The following DUSP22 variants were observed in gnomAD, a reference collection of about 807,000 sequenced individuals.
DUSP22 encodes the protein dual specificity phosphatase 22.
Under a neutral mutation model 24.5 loss-of-function variants are expected in DUSP22, and 24 were observed. The ratio of observed to expected loss-of-function variants is 0.98; its 90% CI spans 0.71 to 1.38. The LOEUF is 1.38. Among genes scored for constraint, DUSP22 ranks in the 40% most tolerant of loss-of-function variants. The probability of loss-of-function intolerance (pLI) is 0.00; values close to 1 mark genes in which losing one functional copy is unlikely to be tolerated. For synonymous variants in DUSP22, 160 were observed against 106.4 expected, an observed-to-expected ratio of 1.50 and a Z score of -3.10; for missense variants, 330 against 269.2, an observed-to-expected ratio of 1.23 and a Z score of -1.58.
At chr6:325,696 T>A (rs1451792377) in intron 3 of DUSP22, 3 of 225,550 alleles carry the variant, frequency 1.3e-5, no homozygotes, top group African/African-American at 7.7e-5. Context: ...CCTGGAGTCA[T>A]CTGCCCTGGG....
Position 351,215 on chromosome 6 carries a change from A to G in DUSP22, c.*2264A>G. ...AGCCCAGTGTAGTTGTGTGGCGTGA[A>G]CTCTGCCCGTGTGTTCTCAAATTCC... is the stretch of plus-strand genomic sequence containing the variant. On this transcript the variant is annotated 3_prime_UTR_variant, in exon 7 of 7. Transcript: ENST00000419235. 6.8e-6 allele frequency: 2 copies of G among 293,046 alleles called. No individual in the cohort carries two copies. The highest frequency in any genetic ancestry group is 1.3e-5 in the Non-Finnish European group (2 of 157,278). The allele number at this position is 293,046 out of a possible 1,614,324, so 18.2% of individuals were successfully genotyped here. A position where few individuals can be genotyped will look rare whatever the true frequency, so the allele number is the denominator to read the frequency against.
At chr6:329,596 G>C (rs954867074) in intron 3 of DUSP22, among the ~76,000 whole-genome samples, 2 of 152,298 alleles carry the variant, frequency 1.3e-5, no homozygotes, top group African/African-American at 4.8e-5. Flanking sequence ...GGGATTACAA[G>C]TGCATGCCAC....
At chr6:315,216 G>A (rs1196418542) in intron 3 of DUSP22, among the ~76,000 whole-genome samples, 2 of 152,302 alleles carry the variant, frequency 1.3e-5, no homozygotes, top group African/African-American at 2.4e-5. Context: ...GAAACCTGGG[G>A]ACCTTCAAGC....
At chr6:299,180 G>C (rs1581142009) in intron 1 of DUSP22, among the ~76,000 whole-genome samples, 1 of 152,306 alleles carries the variant, frequency 6.6e-6, no homozygotes, top group Admixed American at 6.5e-5. Context: ...CTTTCTACCA[G>C]GTGGTAATGA....
intron 6 of DUSP22, 160 bp downstream of exon 6, chr6:348,434 A>C: frequency 8.1e-7 from 1 of 1,237,946 alleles, no homozygotes; most frequent in Non-Finnish European, 1.1e-6. Context: ...AGAAGTCGTC[A>C]CGATCCCTCG....
Position 308,041 on chromosome 6 carries a change from A to C in DUSP22, c.55+3380A>C, listed in dbSNP as rs1757897108. ...TTGCATTTGTGACTGCCAGTTGGGGAGGGGCCCGCTGGCACCGGGCCAAAG... is the reference window on the plus strand; with the variant it reads ...TTGCATTTGTGACTGCCAGTTGGGGCGGGGCCCGCTGGCACCGGGCCAAAG... On this transcript the variant is annotated intron_variant, in intron 2 of 6. Coordinates refer to ENST00000419235, the MANE Select transcript of DUSP22 (RefSeq NM_001286555.3). Among the ~76,000 whole-genome samples the C allele has an allele frequency of 2.0e-5, 3 of 152,276 alleles. No individual in the cohort carries two copies. In the South Asian group the frequency reaches 6.2e-4, roughly 32 times the overall value.
intron 1 of DUSP22, among the ~76,000 whole-genome samples, chr6:302,460 GC>G (rs1241859983): frequency 3.3e-5 from 5 of 152,308 alleles, no homozygotes; most frequent in Non-Finnish European, 7.3e-5. Flanking sequence ...CTCCCTGTCT[GC>G]CCACTGCTCT....
At chr6:340,727 G>T (rs6928484) in intron 4 of DUSP22, among the ~76,000 whole-genome samples, 2 of 152,172 alleles carry the variant, frequency 1.3e-5, no homozygotes, top group Admixed American at 6.5e-5. Context: ...CTGGTACCAT[G>T]GGCTTTTAGG....
At chr6:348,296 T>C in intron 6 of DUSP22, 22 bp downstream of exon 6, 1 of 1,613,754 alleles carries the variant, frequency 6.2e-7, no homozygotes, top group Non-Finnish European at 8.5e-7. Context: ...TTAGGGGACA[T>C]CAGAGATGCA....
At chr6:322,559 C>G (rs1449946114) in intron 3 of DUSP22, among the ~76,000 whole-genome samples, 2 of 152,302 alleles carry the variant, frequency 1.3e-5, no homozygotes, top group African/African-American at 4.8e-5. Context: ...AAAGGGGAGA[C>G]TAGGTGACGT....
At chr6:322,841 G>GC (rs1758672302) in intron 3 of DUSP22, among the ~76,000 whole-genome samples, 22 of 144,624 alleles carry the variant, frequency 1.5e-4, no homozygotes, top group African/African-American at 4.7e-4. Flanking sequence ...GGGGCGGGGG[G>GC]GGGCCTTCGA....
At chr6:297,293 G>C (rs909792065) in intron 1 of DUSP22, among the ~76,000 whole-genome samples, 1 of 152,304 alleles carries the variant, frequency 6.6e-6, no homozygotes, top group Admixed American at 6.5e-5. Context: ...GTTATTGGGA[G>C]AAGCAAATGG....
At chr6:300,056 C>T (rs551248767) in intron 1 of DUSP22, among the ~76,000 whole-genome samples, 8 of 152,416 alleles carry the variant, frequency 5.2e-5, no homozygotes, top group South Asian at 4.1e-4. Flanking sequence ...AGGTAGAGAT[C>T]GTAGACTGGA....
chr6:339,096 C>T (rs1250928593), intron 4 of DUSP22, among the ~76,000 whole-genome samples: 1 of 152,294 alleles, frequency 6.6e-6, no homozygotes, highest in African/African-American at 2.4e-5. Flanking sequence ...TTGTAATAAC[C>T]CCACAGACCT....
intron 2 of DUSP22, 85 bp from the exon 3 acceptor site, chr6:311,794 TG>T: frequency 7.3e-7 from 1 of 1,367,832 alleles, no homozygotes; most frequent in Non-Finnish European, 9.9e-7. Context: ...AGTCATTTTG[TG>T]GGTTTTTTTT....
Position 349,305 on chromosome 6 carries a change from A to T in DUSP22, c.*354A>T. 1 of 1,193,614 alleles carries T rather than the reference A, an allele frequency of 8.4e-7. No homozygotes were observed. 73.9% of individuals were successfully genotyped at this position (1,193,614 alleles called of 1,614,324 possible). The stretch of plus-strand genomic sequence containing the variant: ...TGCACCTAAGTGTGTACATGTGTGT[A>T]TGTTGTGAAAGTGTCTGTGCACATG... On this transcript the variant is annotated 3_prime_UTR_variant, in exon 7 of 7. Transcript: ENST00000419235.
intron 3 of DUSP22, among the ~76,000 whole-genome samples, chr6:322,287 G>A (rs1758632223): frequency 6.6e-6 from 1 of 152,308 alleles, no homozygotes; most frequent in Admixed American, 6.5e-5. Context: ...GTTATGCAAT[G>A]GAATTCACAG....
At chr6:345,341 C>G (rs905945806) in intron 4 of DUSP22, among the ~76,000 whole-genome samples, 2 of 152,220 alleles carry the variant, frequency 1.3e-5, no homozygotes, top group African/African-American at 2.4e-5. Flanking sequence ...TCCCTGGTAG[C>G]TGGGATTACA....
Position 345,920 on chromosome 6 carries a change from T to C in DUSP22, c.255T>C (p.Leu85=), listed in dbSNP as rs768508855. The change falls in exon 5 of 7, where the codon CTT becomes CTC. Residue 85 remains leucine, a synonymous_variant. Transcript: ENST00000419235. The part of the protein sequence containing the change: ...HECRLRGESC[L]VHCLAGVSRS... Reference sequence around the variant, plus strand: ...GCCGGCTCCGCGGTGAGAGCTGCCTTGTACACTGGTACGTGTGTCTCTTGC... The same window carrying C: ...GCCGGCTCCGCGGTGAGAGCTGCCTCGTACACTGGTACGTGTGTCTCTTGC... The C allele has an allele frequency of 1.2e-6, 2 of 1,614,254 alleles. No homozygotes were observed. The highest frequency in any genetic ancestry group is 1.1e-5 in the South Asian group (1 of 91,084).
Sources: gnomAD v4.1 joint callset for allele counts (sites outside exome capture counted in the v4.1 genomes callset) on GRCh38, gnomAD v4.1.1 for gene constraint, MANE v1.5 for transcripts, NCBI Gene and HGNC (gene_info 2026-07-23, HGNC 2026-07-21) for gene names.